Variants in MAPK6 observed in about 807,000 individuals in gnomAD.
The protein encoded by MAPK6 is ERK-3.
MAPK6 carries 19 observed loss-of-function variants against 59.3 expected under a neutral mutation model. The ratio of observed to expected loss-of-function variants is 0.32; its 90% CI spans 0.22 to 0.47. The LOEUF (loss-of-function observed/expected upper bound fraction) is 0.47. Among genes scored for constraint, MAPK6 ranks in the 20% least tolerant of loss-of-function variants. MAPK6 has a pLI of 1.00. For missense variants in MAPK6, 724 were observed against 847.9 expected, an observed-to-expected ratio of 0.85 and a Z score of 1.81; for synonymous variants, 316 against 290.3, an observed-to-expected ratio of 1.09 and a Z score of -0.90.
At chr15:52,033,178 G>C (rs1044310289) in intron 1 of MAPK6, among the ~76,000 whole-genome samples, 2 of 152,156 alleles carry the variant, frequency 1.3e-5, no homozygotes, top group Non-Finnish European at 2.9e-5. Flanking sequence ...CAGAATTCTG[G>C]TGTGATGGTT....
At chr15:52,044,995 T>C (rs2031554864) in intron 1 of MAPK6, among the ~76,000 whole-genome samples, 1 of 151,006 alleles carries the variant, frequency 6.6e-6, no homozygotes, top group African/African-American at 2.4e-5. Context: ...TGCATGCATA[T>C]AACTACTTAT....
chr15:51,995,284 T>G (rs914155677), intron 2 of MAPK6, among the ~76,000 whole-genome samples: 2 of 152,192 alleles, frequency 1.3e-5, no homozygotes, highest in Non-Finnish European at 2.9e-5. Context: ...GGGCTAGACT[T>G]CCAAATTATA....
At chr15:52,038,480 TG>T (rs2031314371) in intron 1 of MAPK6, among the ~76,000 whole-genome samples, 1 of 152,192 alleles carries the variant, frequency 6.6e-6, no homozygotes, top group African/African-American at 2.4e-5. Flanking sequence ...TCTGCTACAT[TG>T]CATGTAATTG....
At chr15:51,999,084 C>G (rs147584186) in intron 2 of MAPK6, among the ~76,000 whole-genome samples, 2,659 of 151,672 alleles carry the variant, frequency 0.018, 78 homozygotes, top group African/African-American at 0.061. Context: ...CCGCCTCCAC[C>G]TCCCGAGTTC....
At chr15:51,973,927 CA>C (rs1427043777) in intron 1 of MAPK6, among the ~76,000 whole-genome samples, 1 of 151,900 alleles carries the variant, frequency 6.6e-6, no homozygotes, top group Non-Finnish European at 1.5e-5. Context: ...GATGGAATTA[CA>C]GGCCTGAGCC....
At chr15:52,055,718 A>G (rs902036104) in intron 3 of MAPK6, among the ~76,000 whole-genome samples, 4 of 151,862 alleles carry the variant, frequency 2.6e-5, no homozygotes, top group Admixed American at 6.6e-5. Context: ...ATTTCACCAT[A>G]TTGGTCAGGT....
At chr15:52,025,461 C>T (rs919247788) in intron 1 of MAPK6, among the ~76,000 whole-genome samples, 37 of 152,154 alleles carry the variant, frequency 2.4e-4, no homozygotes, top group African/African-American at 8.7e-4. Context: ...ACTTGACGAG[C>T]AAGTAGTGCA....
rs749787208 is a variant in MAPK6 at position 52,066,402 on chromosome 15, A to G, written c.*1402A>G. On this transcript the variant is annotated 3_prime_UTR_variant, in exon 6 of 6. Transcript: ENST00000261845. Reference sequence around the variant, plus strand: ...CAAGTCTTTTGACTTAAACCATCACATATTAGAATGGAATAAAGCTTTATA... The same window carrying G: ...CAAGTCTTTTGACTTAAACCATCACGTATTAGAATGGAATAAAGCTTTATA... 2.0e-5 allele frequency: 3 copies of G among 152,204 alleles called. No individual in the cohort carries two copies. Among genetic ancestry groups the G allele is most frequent in the Non-Finnish European group, 4.4e-5 (3 of 68,042 alleles). The allele number at this position is 152,204 out of a possible 1,614,324, so 9.4% of individuals were successfully genotyped here.
intron 1 of MAPK6, among the ~76,000 whole-genome samples, chr15:51,982,567 G>A (rs915922902): frequency 5.9e-5 from 9 of 152,102 alleles, no homozygotes; most frequent in African/African-American, 2.2e-4. Context: ...CTGTGTTGGT[G>A]GTGGTGAAGG....
intron 1 of MAPK6, chr15:52,027,814 C>T (rs2030864928): frequency 6.6e-6 from 1 of 151,488 alleles, no homozygotes; most frequent in Non-Finnish European, 1.5e-5. Flanking sequence ...ACTCTGTTGG[C>T]CAGGTTGGAG....
intron 1 of MAPK6, among the ~76,000 whole-genome samples, 171 bp from the exon 2 acceptor site, chr15:52,045,659 A>G (rs761387328): frequency 6.6e-6 from 1 of 152,182 alleles, no homozygotes; most frequent in Admixed American, 6.5e-5. Flanking sequence ...TGCTGATAAC[A>G]TTTTTGTAAG....
At chr15:52,051,569 T>A (rs2031782518) in intron 3 of MAPK6, among the ~76,000 whole-genome samples, 1 of 152,166 alleles carries the variant, frequency 6.6e-6, no homozygotes, top group Non-Finnish European at 1.5e-5. Flanking sequence ...ATAATTTTTT[T>A]CTAATATTTA....
upstream of MAPK6, among the ~76,000 whole-genome samples, chr15:52,014,379 T>A (rs774865541): frequency 6.6e-6 from 1 of 152,160 alleles, no homozygotes; most frequent in African/African-American, 2.4e-5. Context: ...ACTATATATG[T>A]CATCAATTTT....
intron 2 of MAPK6, among the ~76,000 whole-genome samples, chr15:51,998,818 G>A (rs2057233938): frequency 1.3e-5 from 2 of 148,512 alleles, no homozygotes; most frequent in Non-Finnish European, 3.0e-5. Context: ...AGCCGCCGGA[G>A]TAGCTGGGAC....
At chr15:52,016,937 G>A (rs1348434659), upstream of MAPK6, among the ~76,000 whole-genome samples, 2 of 152,110 alleles carry the variant, frequency 1.3e-5, no homozygotes, top group Admixed American at 1.3e-4. Flanking sequence ...CCAGCTACTC[G>A]GGAGGCTGAG....
In MAPK6 at chr15:52,065,087, G is replaced by A. The variant is rs1221033098; in HGVS notation, c.*87G>A. ...CTAGTGTTTAAGTCATTTTTTACTT[G>A]AATCAGATGGTGTCATTTAGTAAGG... On this transcript the variant is annotated 3_prime_UTR_variant, in exon 6 of 6. Coordinates refer to ENST00000261845, the MANE Select transcript of MAPK6 (RefSeq NM_002748.4). 1 of 1,245,148 alleles carries A rather than the reference G, an allele frequency of 8.0e-7. No homozygotes were observed. Among genetic ancestry groups the A allele is most frequent in the Non-Finnish European group, 1.1e-6 (1 of 914,448 alleles). The allele number at this position is 1,245,148 out of a possible 1,614,324, so 77.1% of individuals were successfully genotyped here.
chr15:52,023,106 CAAAAA>C (rs60315520), intron 1 of MAPK6, among the ~76,000 whole-genome samples: 7 of 73,662 alleles, frequency 9.5e-5, no homozygotes, highest in African/African-American at 2.1e-4. Context: ...GACTCCGTCT[CAAAAA>C]AAAAAAAAAA....
intron 4 of MAPK6, among the ~76,000 whole-genome samples, chr15:52,059,501 C>T (rs2032114625): frequency 6.6e-6 from 1 of 152,154 alleles, no homozygotes; most frequent in Non-Finnish European, 1.5e-5. Context: ...TGGGTGTCTG[C>T]ATACCCTCTC....
intron 1 of MAPK6, among the ~76,000 whole-genome samples, chr15:52,023,614 GTTTGTTT>G (rs1044974910): frequency 6.6e-6 from 1 of 152,124 alleles, no homozygotes; most frequent in Non-Finnish European, 1.5e-5. Context: ...TTTTTTGTTT[GTTTGTTT>G]TTTGTTTTTG....
Sources: allele counts gnomAD v4.1 joint callset (sites outside exome capture counted in the v4.1 genomes callset), GRCh38; gene constraint gnomAD v4.1.1; transcripts MANE v1.5; gene names NCBI Gene and HGNC (gene_info 2026-07-23, HGNC 2026-07-21).